The following CFAP74 variants were observed in gnomAD, a reference collection of about 807,000 sequenced individuals.
CFAP74 encodes the protein cilia and flagella associated protein 74.
A neutral mutation model predicts 188.9 loss-of-function variants in CFAP74; 124 were observed. The observed-to-expected ratio is 0.66, with a 90% confidence interval of 0.57 to 0.76. The LOEUF is 0.76. CFAP74 is among the 30% of genes least tolerant of loss of function. The pLI is 0.00. For synonymous variants in CFAP74, 956 were observed against 916.7 expected, an observed-to-expected ratio of 1.04 and a Z score of -0.77; for missense variants, 2,198 against 2,165.2, an observed-to-expected ratio of 1.02 and a Z score of -0.30.
chr1:1,970,577 G>A, intron 10 of CFAP74, 82 bp downstream of exon 10: 2 of 1,454,238 alleles, frequency 1.4e-6, no homozygotes, highest in Non-Finnish European at 1.9e-6. Context: ...TTTGCTCAAT[G>A]TGAAGCCGAA....
Position 1,981,642 on chromosome 1 carries a change from A to C in CFAP74, c.500+3744T>G, listed in dbSNP as rs13303154. On this transcript the variant is annotated intron_variant, in intron 6 of 38. Transcript: ENST00000682832. ...ACAGACACGGGGGCACGCAGGACACACAGCCGCGGACAGACACAGGGGCAC... is the reference window on the plus strand; with the variant it reads ...ACAGACACGGGGGCACGCAGGACACCCAGCCGCGGACAGACACAGGGGCAC... Among the ~76,000 whole-genome samples the C allele has an allele frequency of 9.0e-3, 170 of 18,834 alleles. 3 individuals carry two copies. Among genetic ancestry groups the C allele is most frequent in the East Asian group, 0.041 (22 of 538 alleles). 12.4% of individuals were successfully genotyped at this position (18,834 alleles called of 152,430 possible).
At chr1:1,956,974 T>C (rs558359645) in intron 16 of CFAP74, among the ~76,000 whole-genome samples, 190 bp from the exon 17 acceptor site, 1 of 152,208 alleles carries the variant, frequency 6.6e-6, no homozygotes, top group African/African-American at 2.4e-5. Flanking sequence ...GGCACGCGAG[T>C]CTGGTTTTAA....
chr1:1,956,543 C>T, intron 17 of CFAP74, 77 bp downstream of exon 17: 3 of 1,558,618 alleles, frequency 1.9e-6, no homozygotes, highest in Non-Finnish European at 2.6e-6. Flanking sequence ...CTCATGTTGT[C>T]ACCTCTGTTC....
In CFAP74 at chr1:1,942,547, C is replaced by T. The variant is rs2102047682; in HGVS notation, c.2487-391G>A. Among the ~76,000 whole-genome samples the T allele has an allele frequency of 6.6e-6, 1 of 152,234 alleles. No homozygotes were observed. ...TGCCCGCCTCCTGCCCAGGGCATCC[C>T]CACATCCTGCAGCTCAAGCACAGGG... On this transcript the variant is annotated intron_variant, in intron 21 of 38. Coordinates refer to ENST00000682832, the MANE Select transcript of CFAP74 (RefSeq NM_001304360.2). The surrounding 1 kb of genome is among the most constrained non-coding windows in gnomAD (Gnocchi z 4.3).
intron 4 of CFAP74, among the ~76,000 whole-genome samples, chr1:1,987,628 G>GC (rs565082762): frequency 8.1e-4 from 123 of 151,248 alleles, no homozygotes; most frequent in African/African-American, 2.6e-3. Context: ...TGCAACCTCC[G>GC]CCCCCCAGGT....
chr1:1,950,742 G>A lies in CFAP74; in HGVS notation c.2177-3688C>T, dbSNP rs571411415. ...GATTTGTGATTTGCTAATGCTTTCC[G>A]CCAGTCTGTGGCTTATCTCTGCAGT... On this transcript the variant is annotated intron_variant, in intron 18 of 38. Transcript: ENST00000682832. Among the ~76,000 whole-genome samples the A allele has an allele frequency of 3.9e-5, 6 of 152,248 alleles. No individual in the cohort carries two copies. In the South Asian group the frequency reaches 6.2e-4, roughly 16 times the overall value.
chr1:1,926,380 G>A (rs1047136958), intron 31 of CFAP74, 33 bp from the exon 32 acceptor site: 6 of 1,549,938 alleles, frequency 3.9e-6, no homozygotes, highest in African/African-American at 2.7e-5. Context: ...GGATACAGGT[G>A]TCTGCAGGCT....
chr1:1,968,575 A>C lies in CFAP74; in HGVS notation c.1245+60T>G. 1 of 1,439,926 alleles carries C rather than the reference A, an allele frequency of 6.9e-7. No homozygotes were observed. Among genetic ancestry groups the C allele is most frequent in the Non-Finnish European group, 9.6e-7 (1 of 1,037,500 alleles). 89.2% of individuals were successfully genotyped at this position (1,439,926 alleles called of 1,614,324 possible). On this transcript the variant is annotated intron_variant, in intron 11 of 38. Transcript: ENST00000682832. This position sits in a 1 kb window ranked among gnomAD's most constrained non-coding sequence, Gnocchi z 4.3. Reference sequence around the variant, plus strand: ...GATGTCTCACCACACCTGAGCCCTGAGGCCCCACCTGCCCTCCACAGGTGT... The same window carrying C: ...GATGTCTCACCACACCTGAGCCCTGCGGCCCCACCTGCCCTCCACAGGTGT...
At chr1:1,926,582 G>A (rs41315324) in intron 30 of CFAP74, 70 bp from the exon 31 acceptor site, 205 of 1,546,062 alleles carry the variant, frequency 1.3e-4, no homozygotes, top group African/African-American at 3.8e-4. Context: ...GGGGTGGGCC[G>A]TGGGGCTGGG....
Position 1,973,180 on chromosome 1 carries a change from C to T in CFAP74, c.675-133G>A, listed in dbSNP as rs574391063. ...CGCTCAGCTCTGTCCCGCACAGCCT[C>T]CCTTGGGGAGGAGCGAGGGTCCCTG... is the stretch of plus-strand genomic sequence containing the variant. On this transcript the variant is annotated intron_variant, in intron 7 of 38. Transcript: ENST00000682832. This position sits in a 1 kb window ranked among gnomAD's most constrained non-coding sequence, Gnocchi z 6.2. The T allele has an allele frequency of 1.6e-6, 1 of 642,448 alleles. No homozygotes were observed. The highest frequency in any genetic ancestry group is 2.9e-5 in the Admixed American group (1 of 34,176). The allele number at this position is 642,448 out of a possible 1,614,324, so 39.8% of individuals were successfully genotyped here.
intron 1 of CFAP74, among the ~76,000 whole-genome samples, chr1:1,999,124 G>C (rs1230561200): frequency 6.6e-6 from 1 of 152,186 alleles, no homozygotes; most frequent in East Asian, 1.9e-4. Flanking sequence ...TGGAACAATA[G>C]TTTTGAAGGG....
At chr1:1,977,568 G>A (rs1388595087) in intron 6 of CFAP74, among the ~76,000 whole-genome samples, 4 of 150,952 alleles carry the variant, frequency 2.6e-5, no homozygotes, top group Non-Finnish European at 3.0e-5. Context: ...GGAGAAGAAT[G>A]TAGCCAATCT....
Position 1,925,803 on chromosome 1 carries a change from A to G in CFAP74, c.4084T>C (p.Ser1362Pro), listed in dbSNP as rs771413679. The change falls in exon 33 of 39, where the codon TCT (serine) becomes CCT (proline). Residue 1362 changes from serine (S) to proline (P), a missense_variant. Transcript: ENST00000682832. Reference protein sequence around the residue: ...LNMGYVIAGESVSSGFKLQNN... With the variant: ...LNMGYVIAGEPVSSGFKLQNN... ...TTCACCTTGAAGCCTGAGGACACAG[A>G]CTCTCCGGCAATCACATAGCCCATG... 3 of 1,612,098 alleles carry G rather than the reference A, an allele frequency of 1.9e-6. No homozygotes were observed. The highest frequency in any genetic ancestry group is 2.7e-5 in the African/African-American group (2 of 74,810).
intron 28 of CFAP74, chr1:1,927,289 G>A (rs1019815004): frequency 1.7e-6 from 1 of 582,206 alleles, no homozygotes; most frequent in African/African-American, 1.9e-5. Flanking sequence ...AGAGAGCCAT[G>A]TTCCTTCCCG....
rs1416487736 is a variant in CFAP74 at position 1,988,909 on chromosome 1, G to A, written c.132C>T (p.Asp44=). 5 of 1,576,510 alleles carry A rather than the reference G, an allele frequency of 3.2e-6. No individual in the cohort carries two copies. The highest frequency in any genetic ancestry group is 1.7e-5 in the Admixed American group (1 of 57,756). ...IKCLLQEAED[D]VDPGHSSSVK... ...GTTACCTGCTGTGTCCCGGGTCCAC[G>A]TCATCCTCAGCTTCCTGTAGAAGAC... The change falls in exon 3 of 39, where the codon GAC becomes GAT. Residue 44 remains aspartate, a synonymous_variant. Transcript: ENST00000682832.
At chr1:1,925,207 C>T (rs1211700545) in intron 33 of CFAP74, among the ~76,000 whole-genome samples, 3 of 121,072 alleles carry the variant, frequency 2.5e-5, no homozygotes, top group Middle Eastern at 6.8e-3. Context: ...CATGGGGCAG[C>T]GTGAAGGCAT....
intron 12 of CFAP74, among the ~76,000 whole-genome samples, chr1:1,965,323 CAA>C (rs770697501): frequency 2.6e-5 from 4 of 152,224 alleles, no homozygotes; most frequent in Non-Finnish European, 4.4e-5. Flanking sequence ...AACCAGGAAA[CAA>C]GAGCAGACAG....
chr1:1,930,868 A>G (rs1315087872), intron 25 of CFAP74, among the ~76,000 whole-genome samples: 1 of 152,232 alleles, frequency 6.6e-6, no homozygotes, highest in Non-Finnish European at 1.5e-5. Context: ...GCCTATTATG[A>G]GCAAGTTGAT....
At chr1:1,971,381 GCA>G (rs1295598039) in intron 9 of CFAP74, among the ~76,000 whole-genome samples, 8 of 150,734 alleles carry the variant, frequency 5.3e-5, no homozygotes, top group East Asian at 2.1e-4. Flanking sequence ...GGTCACACAT[GCA>G]CACACGTGCA....
Sources: allele counts gnomAD v4.1 joint callset (sites outside exome capture counted in the v4.1 genomes callset), GRCh38; gene constraint gnomAD v4.1.1; non-coding constraint Gnocchi (gnomAD v3.1); transcripts MANE v1.5; gene names NCBI Gene and HGNC (gene_info 2026-07-23, HGNC 2026-07-21).